The following MYH10 variants were observed in gnomAD, a reference collection of about 807,000 sequenced individuals.
MYH10 encodes the protein myosin heavy chain 10.
A neutral mutation model predicts 257.8 loss-of-function variants in MYH10; 55 were observed. The observed-to-expected ratio is 0.21, with a 90% CI of 0.17 to 0.27. MYH10 has a LOEUF of 0.27. Ranked by LOEUF, MYH10 falls within the 10% of genes least tolerant of loss-of-function variation. The pLI is 1.00. For synonymous variants in MYH10, 854 were observed against 921.7 expected, an observed-to-expected ratio of 0.93 and a Z score of 1.33; for missense variants, 1,631 against 2,500.6, an observed-to-expected ratio of 0.65 and a Z score of 7.42.
chr17:8,497,980 C>CA (rs1251098563), intron 30 of MYH10, among the ~76,000 whole-genome samples: 1 of 103,402 alleles, frequency 9.7e-6, no homozygotes, highest in Admixed American at 1.4e-4. Flanking sequence ...AATACTATGC[C>CA]TTTTTTTTTT....
At chr17:8,587,923 T>A (rs1233508316) in intron 4 of MYH10, among the ~76,000 whole-genome samples, 3 of 152,032 alleles carry the variant, frequency 2.0e-5, no homozygotes, top group African/African-American at 7.2e-5. Context: ...CTCTTCGCTA[T>A]CCCCAGTCCA....
At chr17:8,520,833 G>A in intron 19 of MYH10, 45 bp downstream of exon 19, 1 of 1,548,060 alleles carries the variant, frequency 6.5e-7, no homozygotes, top group Non-Finnish European at 8.7e-7. Flanking sequence ...TTCATATCAA[G>A]ATAAACTCTG....
rs565897992 is a variant in MYH10, at chr17:8,606,484, C to A, written c.346-1502G>T. ...TGGAGAATTGGTACTGTATGGCCAG[C>A]TTCCCCAGGGAACACTAAGGGGGAT... On this transcript the variant is annotated intron_variant, in intron 2 of 42. Transcript: ENST00000360416. Among the ~76,000 whole-genome samples the A allele has an allele frequency of 3.3e-5, 5 of 152,304 alleles. No homozygotes were observed. In the South Asian group the frequency reaches 1.0e-3, roughly 32 times the overall value.
At chr17:8,536,851 T>C (rs1221426150) in intron 14 of MYH10, among the ~76,000 whole-genome samples, 1 of 150,328 alleles carries the variant, frequency 6.7e-6, no homozygotes, top group Non-Finnish European at 1.5e-5. Context: ...GGTAGATTAG[T>C]GGCAGCCGGG....
rs1388642904 is a variant in MYH10 at position 8,623,148 on chromosome 17, T to C, written c.99A>G (p.Lys33=). The change falls in exon 2 of 43, where the codon AAA becomes AAG. Residue 33 remains lysine (K), a synonymous_variant. Coordinates refer to ENST00000360416, the MANE Select transcript of MYH10 (RefSeq NM_001256012.3). ...GTTCTGATGGAATCCACACTAGCTT[T>C]TTAGCTGTCCAATCAGCTTGAGTGG... The part of the protein sequence containing the change: ...NPATQADWTA[K]KLVWIPSERH... 2.5e-6 allele frequency: 4 copies of C among 1,613,954 alleles called. No individual in the cohort carries two copies. Among genetic ancestry groups the C allele is most frequent in the Non-Finnish European group, 3.4e-6 (4 of 1,179,964 alleles).
At chr17:8,604,747 G>A in intron 3 of MYH10, 79 bp downstream of exon 3, 1 of 1,029,774 alleles carries the variant, frequency 9.7e-7, no homozygotes, top group East Asian at 2.9e-5. Context: ...AACTTTTGTA[G>A]AATACATTGA....
At chr17:8,580,356 C>T (rs1372336356) in intron 4 of MYH10, among the ~76,000 whole-genome samples, 1 of 151,244 alleles carries the variant, frequency 6.6e-6, no homozygotes, top group South Asian at 2.1e-4. Context: ...AAATAAAAAA[C>T]GACAGGTAGA....
chr17:8,499,703 C>T (rs919213757), intron 29 of MYH10, among the ~76,000 whole-genome samples: 2 of 152,172 alleles, frequency 1.3e-5, no homozygotes, highest in Non-Finnish European at 2.9e-5. Flanking sequence ...TATTTAGGGG[C>T]TCACTGTGCT....
At chr17:8,517,657 G>A (rs1347361158) in intron 21 of MYH10, among the ~76,000 whole-genome samples, 1 of 152,142 alleles carries the variant, frequency 6.6e-6, no homozygotes, top group Non-Finnish European at 1.5e-5. Flanking sequence ...AAATCACTAA[G>A]ACAGCTTCCC....
At chr17:8,534,402 C>A (rs190976711) in intron 16 of MYH10, among the ~76,000 whole-genome samples, 9 of 152,360 alleles carry the variant, frequency 5.9e-5, no homozygotes, top group African/African-American at 2.2e-4. Context: ...AGCTCCCTCA[C>A]ACTGACTTGA....
intron 19 of MYH10, among the ~76,000 whole-genome samples, chr17:8,519,736 G>A (rs765022129): frequency 6.6e-6 from 1 of 152,006 alleles, no homozygotes; most frequent in Non-Finnish European, 1.5e-5. Flanking sequence ...AGGGCACAAA[G>A]ACCATTCTTT....
intron 3 of MYH10, among the ~76,000 whole-genome samples, chr17:8,595,792 G>C (rs1282000533): frequency 1.2e-4 from 1 of 8,316 alleles, no homozygotes; most frequent in Non-Finnish European, 7.6e-3. Context: ...GCTTCACAGG[G>C]TGGTGAGGAG....
intron 31 of MYH10, among the ~76,000 whole-genome samples, chr17:8,494,201 G>A (rs112416360): frequency 2.7e-5 from 4 of 149,056 alleles, no homozygotes; most frequent in South Asian, 2.2e-4. Context: ...CCTCAGTCAC[G>A]CCTGGAATCC....
At chr17:8,498,555 A>G (rs1917027740) in intron 30 of MYH10, among the ~76,000 whole-genome samples, 1 of 152,042 alleles carries the variant, frequency 6.6e-6, no homozygotes, top group Admixed American at 6.5e-5. Context: ...CCTTTAGAAG[A>G]GGTTGCACTA....
rs760133543 is a variant in MYH10 at position 8,481,272 on chromosome 17, G to A, written c.5264+50C>T. ...GTGGACACCTCCAGCCTTCTCAGCA[G>A]TGCGCGTGCCTGAGGGCGAAGAACC... On this transcript the variant is annotated intron_variant, in intron 38 of 42. Coordinates refer to ENST00000360416, the MANE Select transcript of MYH10 (RefSeq NM_001256012.3). 3.2e-6 allele frequency: 5 copies of A among 1,566,680 alleles called. No homozygotes were observed. The African/African-American group carries it at 5.4e-5, about 17-fold the overall frequency.
At position 8,480,500 on chromosome 17, in the gene MYH10, G is replaced by A. The variant is rs371077973; in HGVS notation, c.5290C>T (p.Arg1764Cys). 113 of 1,610,208 alleles carry A rather than the reference G, an allele frequency of 7.0e-5. No individual in the cohort carries two copies. Among genetic ancestry groups the A allele is most frequent in the Non-Finnish European group, 9.0e-5 (106 of 1,179,860 alleles). The change falls in exon 39 of 43, where the codon CGT becomes TGT. Residue 1764 changes from arginine (R) to cysteine (C), a missense_variant. Around this residue, in one of 11 missense-constraint regions of MYH10, gnomAD observed 343 missense variants for 389.5 expected, o/e 0.88. Coordinates refer to ENST00000360416, the MANE Select transcript of MYH10 (RefSeq NM_001256012.3). ...GKSALLDEKR[R>C]LEARIAQLEE... ...AGCTGTGCGATCCGAGCTTCCAGACGCCGCTTCTCATCCAGCAGCGCGGAC... is the reference window on the plus strand; with the variant it reads ...AGCTGTGCGATCCGAGCTTCCAGACACCGCTTCTCATCCAGCAGCGCGGAC...
chr17:8,497,892 A>G (rs533296258), intron 30 of MYH10, among the ~76,000 whole-genome samples: 1 of 151,862 alleles, frequency 6.6e-6, no homozygotes, highest in Admixed American at 6.5e-5. Context: ...AACTTTTTAC[A>G]TAGCAGTTAC....
Position 8,475,066 on chromosome 17 carries a change from G to A in MYH10, c.*738C>T, listed in dbSNP as rs1259809573. 6.6e-6 allele frequency: 1 copy of A among 152,472 alleles called. No individual in the cohort carries two copies. The highest frequency in any genetic ancestry group is 1.5e-5 in the Non-Finnish European group (1 of 68,222). 9.4% of individuals were successfully genotyped at this position (152,472 alleles called of 1,614,324 possible). On this transcript the variant is annotated 3_prime_UTR_variant, in exon 43 of 43. Coordinates refer to ENST00000360416, the MANE Select transcript of MYH10 (RefSeq NM_001256012.3). ...CCATCTGGAAGTCTACATGATCCAT[G>A]GCTGCCACCTGGGGCCTCAGCTGCA...
intron 2 of MYH10, among the ~76,000 whole-genome samples, chr17:8,619,749 C>T (rs1013788500): frequency 6.6e-6 from 1 of 151,992 alleles, no homozygotes; most frequent in Non-Finnish European, 1.5e-5. Context: ...CATGGTGAAA[C>T]CCCATCTCTA....
Sources: allele counts gnomAD v4.1 joint callset (sites outside exome capture counted in the v4.1 genomes callset), GRCh38; gene constraint gnomAD v4.1.1; regional missense constraint gnomAD v4.1.1; transcripts MANE v1.5; gene names NCBI Gene and HGNC (gene_info 2026-07-23, HGNC 2026-07-21).